Variants in IQCM observed in about 807,000 individuals in gnomAD.
The protein encoded by IQCM is IQ domain-containing protein M.
IQCM carries 45 observed loss-of-function variants against 57.6 expected under a neutral mutation model. The ratio of observed to expected loss-of-function variants is 0.78; its 90% CI spans 0.62 to 1.00. The LOEUF (loss-of-function observed/expected upper bound fraction) is 1.00, where lower values mean the gene tolerates loss of function less well. IQCM is among the 50% of genes least tolerant of loss of function. The probability of loss-of-function intolerance (pLI) is 0.00; values close to 1 mark genes in which losing one functional copy is unlikely to be tolerated. For synonymous variants in IQCM, 148 were observed against 158.9 expected, an observed-to-expected ratio of 0.93 and a Z score of 0.51; for missense variants, 468 against 511.6, an observed-to-expected ratio of 0.91 and a Z score of 0.82.
intron 9 of IQCM, among the ~76,000 whole-genome samples, chr4:149,579,357 A>G (rs1386496212): frequency 6.6e-6 from 1 of 151,862 alleles, no homozygotes; most frequent in Non-Finnish European, 1.5e-5. Flanking sequence ...GAAGGCCCCG[A>G]TTTAGCCTGT....
At chr4:149,352,399 A>G (rs1332536634) in intron 13 of IQCM, among the ~76,000 whole-genome samples, 1 of 152,236 alleles carries the variant, frequency 6.6e-6, no homozygotes, top group Non-Finnish European at 1.5e-5. Flanking sequence ...TCAGAAAAAG[A>G]AATTTCACAA....
chr4:149,705,157 TAAATATATAA>T (rs1038204658), intron 5 of IQCM, among the ~76,000 whole-genome samples: 2 of 146,928 alleles, frequency 1.4e-5, no homozygotes, highest in African/African-American at 2.5e-5. Context: ...ATACATATTA[TAAATATATAA>T]AAATATATAA....
At chr4:149,580,466 T>C (rs1022040771) in intron 9 of IQCM, among the ~76,000 whole-genome samples, 6 of 151,872 alleles carry the variant, frequency 4.0e-5, no homozygotes, top group Non-Finnish European at 7.4e-5. Flanking sequence ...ATTCATGTCA[T>C]GCTAAACTCA....
At chr4:149,780,860 A>G (rs1017960207) in intron 2 of IQCM, among the ~76,000 whole-genome samples, 1 of 152,164 alleles carries the variant, frequency 6.6e-6, no homozygotes, top group African/African-American at 2.4e-5. Context: ...GAGACAGATG[A>G]ATTAAAATGG....
chr4:149,468,439 C>T (rs1739116280), intron 12 of IQCM, among the ~76,000 whole-genome samples: 1 of 152,188 alleles, frequency 6.6e-6, no homozygotes, highest in African/African-American at 2.4e-5. Context: ...GGGGCGTCCG[C>T]CATTGCTGAG....
chr4:149,775,531 A>G (rs979599471), intron 2 of IQCM, among the ~76,000 whole-genome samples: 78 of 152,342 alleles, frequency 5.1e-4, no homozygotes, highest in African/African-American at 1.8e-3. Context: ...GTTCTTTTCT[A>G]TAGTTCTATT....
intron 9 of IQCM, among the ~76,000 whole-genome samples, chr4:149,587,537 T>C (rs1438747443): frequency 2.0e-5 from 3 of 151,752 alleles, no homozygotes; most frequent in African/African-American, 4.8e-5. Context: ...TTGAAATGCA[T>C]GCTTAACCCT....
At chr4:149,731,062 T>A (rs566362158) in intron 5 of IQCM, among the ~76,000 whole-genome samples, 1 of 152,152 alleles carries the variant, frequency 6.6e-6, no homozygotes, top group African/African-American at 2.4e-5. Context: ...TAAAACTGAA[T>A]TCGTTATTTT....
At chr4:149,683,741 C>T (rs866673139) in intron 6 of IQCM, among the ~76,000 whole-genome samples, 6 of 151,366 alleles carry the variant, frequency 4.0e-5, no homozygotes, top group African/African-American at 1.4e-4. Context: ...TATGTATTTT[C>T]AATTGTTCCT....
chr4:149,586,783 G>A (rs1327035290), intron 9 of IQCM, among the ~76,000 whole-genome samples: 1 of 151,600 alleles, frequency 6.6e-6, no homozygotes, highest in East Asian at 1.9e-4. Context: ...TTTCTGCACT[G>A]GGGATCTCCT....
chr4:149,444,171 A>G (rs927472434), intron 12 of IQCM, among the ~76,000 whole-genome samples: 2 of 151,992 alleles, frequency 1.3e-5, no homozygotes, highest in Non-Finnish European at 2.9e-5. Context: ...ATCTTCCTCT[A>G]TTATCCAGAT....
At chr4:149,458,129 C>T (rs1737897793) in intron 12 of IQCM, among the ~76,000 whole-genome samples, 1 of 151,888 alleles carries the variant, frequency 6.6e-6, no homozygotes, top group African/African-American at 2.4e-5. Flanking sequence ...TTCAGGAAAA[C>T]AAATATGAAA....
chr4:149,745,542 C>T (rs1029496543), intron 2 of IQCM, among the ~76,000 whole-genome samples: 9 of 152,190 alleles, frequency 5.9e-5, no homozygotes, highest in African/African-American at 2.2e-4. Context: ...GTAGATGCAA[C>T]TTAAGGCTCT....
At position 149,812,480 on chromosome 4, in the gene IQCM, T is replaced by TCACA. The variant is rs1412777680; in HGVS notation, c.-49+2827_-49+2830dup. Among the ~76,000 whole-genome samples, 504 of 138,818 alleles carry TCACA rather than the reference T, an allele frequency of 3.6e-3. 2 individuals carry two copies. The highest frequency in any genetic ancestry group is 0.014 in the Middle Eastern group (4 of 280). 91.1% of individuals were successfully genotyped at this position (138,818 alleles called of 152,430 possible). A position where few individuals can be genotyped will look rare whatever the true frequency, so the allele number is the denominator to read the frequency against. ...AGATCTCTCTCTCTCTCTCTCTCTC[T>TCACA]CACACACACACACACACACACAGAC... is the stretch of plus-strand genomic sequence containing the variant. On this transcript the variant is annotated intron_variant, in intron 2 of 13. Coordinates refer to ENST00000636793, the MANE Select transcript of IQCM (RefSeq NM_001363507.2).
At chr4:149,739,193 T>C (rs1160357954) in intron 3 of IQCM, among the ~76,000 whole-genome samples, 1 of 152,142 alleles carries the variant, frequency 6.6e-6, no homozygotes, top group African/African-American at 2.4e-5. Context: ...AGAATGATTT[T>C]TAAGAGCTCT....
chr4:149,620,121 C>T (rs1250874385), intron 8 of IQCM, among the ~76,000 whole-genome samples: 3 of 151,968 alleles, frequency 2.0e-5, no homozygotes, highest in Non-Finnish European at 2.9e-5. Context: ...CACACCATTA[C>T]ACTCTAGCCT....
intron 13 of IQCM, among the ~76,000 whole-genome samples, chr4:149,415,041 T>C (rs4279188): frequency 0.15 from 22,111 of 152,202 alleles, 2,025 homozygotes; most frequent in South Asian, 0.33. Context: ...TTCCATAGTA[T>C]TTGTATCTGG....
chr4:149,433,460 A>G lies in IQCM; in HGVS notation c.1326T>C (p.Ser442=), dbSNP rs1735057557. ...TCAACCAAGTCGACTTGAGTAGTGT[A>G]CTGTCAGGCACATGTGCACCTTCAG... ...YPPEGAHVPD[S]TLLKSTWLRP... is the part of the protein sequence containing the mutation. Residue 442 remains serine, a synonymous_variant, in exon 13 of 14, where the codon AGT becomes AGC. Coordinates refer to ENST00000636793, the MANE Select transcript of IQCM (RefSeq NM_001363507.2). 1.6e-6 allele frequency: 2 copies of G among 1,224,684 alleles called. No homozygotes were observed. Among genetic ancestry groups the G allele is most frequent in the African/African-American group, 3.1e-5 (2 of 64,140 alleles). The allele number at this position is 1,224,684 out of a possible 1,614,324, so 75.9% of individuals were successfully genotyped here. A position where few individuals can be genotyped will look rare whatever the true frequency, so the allele number is the denominator to read the frequency against.
At chr4:149,636,733 A>G (rs1001145454) in intron 7 of IQCM, among the ~76,000 whole-genome samples, 1 of 152,224 alleles carries the variant, frequency 6.6e-6, no homozygotes. Flanking sequence ...AAAATAAGAA[A>G]ATGATAAGTA....
Sources: gnomAD v4.1 joint callset for allele counts (sites outside exome capture counted in the v4.1 genomes callset) on GRCh38, gnomAD v4.1.1 for gene constraint, MANE v1.5 for transcripts, NCBI Gene and HGNC (gene_info 2026-07-23, HGNC 2026-07-21) for gene names.